DDX1: variants seen among roughly 807,000 people sequenced by gnomAD.
The protein encoded by DDX1 is DEAD-box helicase 1, also known as ATP-dependent RNA helicase DDX1.
A neutral mutation model predicts 108.7 loss-of-function variants in DDX1; 28 were observed. The ratio of observed to expected loss-of-function variants is 0.26; its 90% confidence interval spans 0.19 to 0.35. The LOEUF is 0.35. DDX1 is among the 10% of genes least tolerant of loss of function. The pLI is 1.00. For missense variants in DDX1, 710 were observed against 884.5 expected (o/e 0.80, Z 2.50); for synonymous variants, 295 against 288.9 (o/e 1.02, Z -0.21).
At chr2:15,612,094 C>T (rs1456946410) in intron 13 of DDX1, among the ~76,000 whole-genome samples, 3 of 142,820 alleles carry the variant, frequency 2.1e-5, no homozygotes, top group African/African-American at 5.3e-5. Flanking sequence ...GGGGCCTGAC[C>T]CCCCCACCTC....
At chr2:15,605,599 A>C (rs2148740191) in intron 10 of DDX1, among the ~76,000 whole-genome samples, 1 of 152,318 alleles carries the variant, frequency 6.6e-6, no homozygotes, top group Admixed American at 6.5e-5. Flanking sequence ...GTGTAAATGG[A>C]AATCGGAGTT....
chr2:15,620,604 T>G lies in DDX1; in HGVS notation c.1395+208T>G, dbSNP rs13389794. On this transcript the variant is annotated intron_variant, in intron 17 of 25. Coordinates refer to ENST00000233084, the MANE Select transcript of DDX1 (RefSeq NM_004939.3). ...TGTCTTCGTAATATTACTTTTGTGA[T>G]CAGCTTCCTTGATACAGTCTTTATA... Among the ~76,000 whole-genome samples, 1,294 of 152,330 alleles carry G rather than the reference T, an allele frequency of 8.5e-3. 21 individuals are homozygous for G. Among genetic ancestry groups the G allele is most frequent in the African/African-American group, 0.03 (1,232 of 41,564 alleles).
At chr2:15,625,844 A>G (rs549447084) in intron 19 of DDX1, among the ~76,000 whole-genome samples, 42 of 152,250 alleles carry the variant, frequency 2.8e-4, no homozygotes, top group South Asian at 1.9e-3. Context: ...ACTAATGGTC[A>G]TATAAAGAAT....
chr2:15,607,103 T>C, intron 12 of DDX1, 72 bp from the exon 13 acceptor site: 2 of 1,334,712 alleles, frequency 1.5e-6, no homozygotes, highest in Non-Finnish European at 2.1e-6. Context: ...AGAATATTTG[T>C]CCTAATGTTT....
intron 8 of DDX1, 89 bp from the exon 9 acceptor site, chr2:15,603,725 C>A: frequency 2.4e-6 from 2 of 845,304 alleles, no homozygotes; most frequent in Non-Finnish European, 3.7e-6. Flanking sequence ...ATGAAATGGA[C>A]ATACTATGTG....
intron 16 of DDX1, 22 bp downstream of exon 16, chr2:15,618,292 C>T: frequency 8.4e-6 from 10 of 1,188,082 alleles, no homozygotes; most frequent in Non-Finnish European, 1.2e-5. Flanking sequence ...ATCAATGCAT[C>T]TTAAAATGCA....
At chr2:15,596,638 A>G (rs1350608833) in intron 3 of DDX1, 96 bp from the exon 4 acceptor site, 1 of 1,048,934 alleles carries the variant, frequency 9.5e-7, no homozygotes, top group African/African-American at 1.6e-5. Flanking sequence ...AAAGGTAGCC[A>G]GTCAAATGTT....
chr2:15,615,056 A>G (rs1665870866), intron 14 of DDX1, among the ~76,000 whole-genome samples: 1 of 152,182 alleles, frequency 6.6e-6, no homozygotes, highest in Admixed American at 6.5e-5. Context: ...TCTACTTCTT[A>G]GGGGATCTAA....
intron 18 of DDX1, 25 bp from the exon 19 acceptor site, chr2:15,623,411 T>A: frequency 6.2e-7 from 1 of 1,610,468 alleles, no homozygotes; most frequent in East Asian, 2.2e-5. Flanking sequence ...TTCTGTTGGT[T>A]TTTGTTGTTG....
chr2:15,629,870 C>T (rs1189235095), intron 24 of DDX1, 120 bp from the exon 25 acceptor site: 4 of 1,132,810 alleles, frequency 3.5e-6, no homozygotes, highest in East Asian at 2.5e-5. Context: ...TTTCTCTCTT[C>T]AGAAATCTGA....
chr2:15,599,990 G>A (rs188801974), intron 6 of DDX1, among the ~76,000 whole-genome samples: 3 of 151,864 alleles, frequency 2.0e-5, no homozygotes, highest in Admixed American at 2.0e-4. Flanking sequence ...GTGCTGACAC[G>A]ATCCATCTGG....
rs543667957 is a variant in DDX1 at position 15,591,918 on chromosome 2, G to C, written c.-16G>C. On this transcript the variant is annotated 5_prime_UTR_variant, in exon 1 of 26. Coordinates refer to ENST00000233084, the MANE Select transcript of DDX1 (RefSeq NM_004939.3). ...GGAGGGAGCGAGCAGGCGAAGCCGC[G>C]GAGGACGGGGTGAAGATGGCGGCCT... 3.6e-5 allele frequency: 53 copies of C among 1,457,054 alleles called. No individual in the cohort carries two copies. Among genetic ancestry groups the C allele is most frequent in the Non-Finnish European group, 4.8e-5 (53 of 1,104,802 alleles). The allele number at this position is 1,457,054 out of a possible 1,614,324, so 90.3% of individuals were successfully genotyped here.
At chr2:15,613,179 T>G (rs368618038) in intron 13 of DDX1, 45 bp from the exon 14 acceptor site, 10 of 1,352,532 alleles carry the variant, frequency 7.4e-6, no homozygotes, top group Admixed American at 2.2e-5. Flanking sequence ...TAAAGCAGAC[T>G]TTAATTTTTT....
chr2:15,619,735 T>C (rs1186571073), intron 16 of DDX1, among the ~76,000 whole-genome samples: 1 of 152,256 alleles, frequency 6.6e-6, no homozygotes, highest in Non-Finnish European at 1.5e-5. Context: ...TGCAGAAAAC[T>C]ACAAGTAAAA....
chr2:15,611,793 C>A (rs1665768780), intron 13 of DDX1, among the ~76,000 whole-genome samples: 1 of 110,860 alleles, frequency 9.0e-6, no homozygotes, highest in African/African-American at 4.0e-5. Context: ...GGGGGCTGAC[C>A]CCCCCACCTC....
In DDX1 at chr2:15,612,288, G is replaced by A. The variant is rs1429223123; in HGVS notation, c.957-936G>A. ...CAGAGACGCTCCTCACCTCCCAGAC[G>A]GGGTCGCGGCCGGGTAGAGGCGCTC... On this transcript the variant is annotated intron_variant, in intron 13 of 25. Transcript: ENST00000233084. 6.0e-5 allele frequency among the ~76,000 whole-genome samples: 9 copies of A among 150,980 alleles called. No individual in the cohort carries two copies. In the South Asian group the frequency reaches 1.3e-3, roughly 21 times the overall value.
chr2:15,627,307 G>A (rs898473162), intron 20 of DDX1, 162 bp downstream of exon 20: 2 of 483,058 alleles, frequency 4.1e-6, no homozygotes, highest in Non-Finnish European at 7.3e-6. Flanking sequence ...ATTAGTCATT[G>A]TTGACACTCA....
chr2:15,629,669 G>A lies in DDX1; in HGVS notation c.1943G>A (p.Gly648Asp), dbSNP rs1379036033. ...CYNTRLKEDG[G>D]CTIWYNEMQL... ...AACACAAGACTCAAGGAAGATGGAG[G>A]CTGTACCATATGGTACAACGAGATG... is the stretch of plus-strand genomic sequence containing the variant. Residue 648 changes from glycine to aspartate, a missense_variant, in exon 24 of 26, where the codon GGC becomes GAC. Gly to Asp is a moderately conservative substitution (Grantham distance 94, BLOSUM62 -1). Around this residue, in one of 3 missense-constraint regions of DDX1, gnomAD observed 661 missense variants for 810.2 expected, o/e 0.82. Transcript: ENST00000233084. The A allele has an allele frequency of 6.3e-7, 1 of 1,587,774 alleles. No individual in the cohort carries two copies. The highest frequency in any genetic ancestry group is 8.5e-7 in the Non-Finnish European group (1 of 1,172,420).
intron 21 of DDX1, 35 bp from the exon 22 acceptor site, chr2:15,628,603 T>C: frequency 2.5e-6 from 4 of 1,597,216 alleles, no homozygotes; most frequent in Non-Finnish European, 3.4e-6. Flanking sequence ...ATTTAGAAAC[T>C]ACTGGCAATT....
Sources: gnomAD v4.1 joint callset for allele counts (sites outside exome capture counted in the v4.1 genomes callset) on GRCh38, gnomAD v4.1.1 for gene constraint, gnomAD v4.1.1 regional missense constraint, MANE v1.5 for transcripts, NCBI Gene and HGNC (gene_info 2026-07-23, HGNC 2026-07-21) for gene names.